Variants in CDH9 observed in about 807,000 individuals in gnomAD.
CDH9 encodes the protein cadherin 9.
A neutral mutation model predicts 70.9 loss-of-function variants in CDH9; 28 were observed. The ratio of observed to expected loss-of-function variants is 0.40; its 90% confidence interval spans 0.29 to 0.54. The LOEUF is 0.54. CDH9 is among the 20% of genes least tolerant of loss of function. The probability of loss-of-function intolerance (pLI) is 0.59; values close to 1 mark genes in which losing one functional copy is unlikely to be tolerated. For synonymous variants in CDH9, 409 were observed against 343.1 expected, an observed-to-expected ratio of 1.19 and a Z score of -2.12; for missense variants, 874 against 984.4, an observed-to-expected ratio of 0.89 and a Z score of 1.50.
intron 1 of CDH9, among the ~76,000 whole-genome samples, chr5:27,025,818 G>A (rs138681871): frequency 0.019 from 2,861 of 151,974 alleles, 38 homozygotes; most frequent in Middle Eastern, 0.051. Flanking sequence ...CTAAAGGAGC[G>A]TCAATCCATT....
intron 2 of CDH9, among the ~76,000 whole-genome samples, chr5:26,925,377 C>T (rs1230649885): frequency 3.3e-5 from 5 of 152,080 alleles, no homozygotes; most frequent in Non-Finnish European, 7.4e-5. Context: ...ATATCCTTTG[C>T]CCACTTTCTG....
chr5:26,936,353 A>G (rs530209115), intron 2 of CDH9, among the ~76,000 whole-genome samples: 1 of 152,110 alleles, frequency 6.6e-6, no homozygotes, highest in Non-Finnish European at 1.5e-5. Flanking sequence ...AAAGTAAAAT[A>G]CTTAGGTATA....
Position 26,903,655 on chromosome 5 carries a change from C to A in CDH9, c.981G>T (p.Gly327=). The change falls in exon 6 of 12, where the codon GGG becomes GGT. Residue 327 remains glycine, a synonymous_variant. Coordinates refer to ENST00000231021, the MANE Select transcript of CDH9 (RefSeq NM_016279.4). ...AAGAAACCTGTTTGACAGTTATAAT[C>A]CCTTCCTGTGTATCCTTGTCAGTGA... The part of the protein sequence containing the change: ...DVITDKDTQE[G]IITVKQNLDF... 1 of 1,605,530 alleles carries A rather than the reference C, an allele frequency of 6.2e-7. No homozygotes were observed. The highest frequency in any genetic ancestry group is 8.5e-7 in the Non-Finnish European group (1 of 1,172,356).
chr5:26,881,183 TG>T lies in CDH9; in HGVS notation c.2322del (p.Phe774LeufsTer21). On this transcript the variant is annotated frameshift_variant, in exon 12 of 12. Transcript: ENST00000231021. LOFTEE classifies it high-confidence loss of function. Reference protein sequence around the residue: ...YDYLSDWGPRFKKLADMYGGD... With the variant: ...YDYLSDWGPRXKKLADMYGGD... ...CCCCCATACATATCGGCAAGTTTTTTGAAACGAGGCCCCCAGTCACTGAGGT... is the reference window on the plus strand; with the variant it reads ...CCCCCATACATATCGGCAAGTTTTTTAAACGAGGCCCCCAGTCACTGAGGT... The T allele has an allele frequency of 6.2e-7, 1 of 1,613,106 alleles. No homozygotes were observed.
chr5:26,902,884 A>G lies in CDH9; in HGVS notation c.1000-155T>C, dbSNP rs1561189023. 8.7e-6 allele frequency: 5 copies of G among 571,900 alleles called. No homozygotes were observed. In the East Asian group the frequency reaches 1.1e-4, roughly 13 times the overall value. 35.4% of individuals were successfully genotyped at this position (571,900 alleles called of 1,614,324 possible). A position where few individuals can be genotyped will look rare whatever the true frequency, so the allele number is the denominator to read the frequency against. ...ATAGGTATATGAAATAAATTTATAA[A>G]TATATGTTTTGCCATACACTTATTC... On this transcript the variant is annotated intron_variant, in intron 6 of 11. Coordinates refer to ENST00000231021, the MANE Select transcript of CDH9 (RefSeq NM_016279.4).
chr5:26,926,080 A>G (rs1385765765), intron 2 of CDH9, among the ~76,000 whole-genome samples: 1 of 152,180 alleles, frequency 6.6e-6, no homozygotes, highest in Non-Finnish European at 1.5e-5. Context: ...TAGTGTTGGA[A>G]GTTCTAGTCA....
At chr5:27,000,611 T>TA (rs1396853611) in intron 1 of CDH9, among the ~76,000 whole-genome samples, 1 of 152,132 alleles carries the variant, frequency 6.6e-6, no homozygotes, top group Non-Finnish European at 1.5e-5. Context: ...GAATCACACT[T>TA]ACATATATAC....
At chr5:26,928,414 A>G (rs996253137) in intron 2 of CDH9, among the ~76,000 whole-genome samples, 1 of 152,056 alleles carries the variant, frequency 6.6e-6, no homozygotes, top group Admixed American at 6.6e-5. Context: ...AAATATCCAC[A>G]CTACTCAAAG....
At chr5:26,891,217 A>G (rs1438199731) in intron 7 of CDH9, among the ~76,000 whole-genome samples, 1 of 152,218 alleles carries the variant, frequency 6.6e-6, no homozygotes, top group Non-Finnish European at 1.5e-5. Flanking sequence ...TGGCAAAATA[A>G]TATCTCCTCT....
In CDH9 at chr5:26,992,455, C is replaced by G. The variant is rs980837218; in HGVS notation, c.-49-4073G>C. On this transcript the variant is annotated intron_variant, in intron 1 of 11. Coordinates refer to ENST00000231021, the MANE Select transcript of CDH9 (RefSeq NM_016279.4). Reference sequence around the variant, plus strand: ...CAATGGCCATCTATGAACCAGGAAACTGGTCCTCACCAGACACCAAATCTG... The same window carrying G: ...CAATGGCCATCTATGAACCAGGAAAGTGGTCCTCACCAGACACCAAATCTG... 3.9e-5 allele frequency among the ~76,000 whole-genome samples: 6 copies of G among 152,146 alleles called. No individual in the cohort carries two copies. The South Asian group carries it at 1.2e-3, about 32-fold the overall frequency.
rs572226374 is a variant in CDH9, at chr5:26,943,197, C to T, written c.229-27273G>A. 7.2e-4 allele frequency among the ~76,000 whole-genome samples: 110 copies of T among 152,236 alleles called. 2 individuals carry two copies. Among genetic ancestry groups the T allele is most frequent in the African/African-American group, 2.5e-3 (104 of 41,556 alleles). On this transcript the variant is annotated intron_variant, in intron 2 of 11. Coordinates refer to ENST00000231021, the MANE Select transcript of CDH9 (RefSeq NM_016279.4). ...TCCTCATAGACACCTCATACTCCAA[C>T]CACACATCACTGGGGAAAATAGCTA... is the stretch of plus-strand genomic sequence containing the variant.
rs1320936157 is a variant in CDH9, at chr5:26,988,224, A to C, written c.110T>G (p.Ile37Arg). The stretch of plus-strand genomic sequence containing the variant: ...ACCGTCATCTTTTGTCAGACCCGCT[A>C]TCTTTTTGCTTGATAAATAACTGTT... ...KPNSYLSSKK[I>R]AGLTKDDGKM... is the part of the protein sequence containing the mutation. Residue 37 changes from isoleucine (I) to arginine (R), a missense_variant, in exon 2 of 12, where the codon ATA becomes AGA. Physicochemically the swap from Ile to Arg is moderately conservative, Grantham distance 97. Transcript: ENST00000231021. 2 of 1,613,340 alleles carry C rather than the reference A, an allele frequency of 1.2e-6. No individual in the cohort carries two copies. Among genetic ancestry groups the C allele is most frequent in the Non-Finnish European group, 1.7e-6 (2 of 1,179,590 alleles).
intron 2 of CDH9, among the ~76,000 whole-genome samples, chr5:26,946,404 G>A (rs1741754067): frequency 6.6e-6 from 1 of 152,036 alleles, no homozygotes; most frequent in Non-Finnish European, 1.5e-5. Context: ...ATGCTATTGG[G>A]CAGGATTGTA....
At chr5:27,016,925 G>C (rs928260533) in intron 1 of CDH9, among the ~76,000 whole-genome samples, 2 of 151,744 alleles carry the variant, frequency 1.3e-5, no homozygotes, top group African/African-American at 4.8e-5. Context: ...TCTGAAATCC[G>C]GAGTGTTAAC....
In CDH9 at chr5:26,982,683, T is replaced by C. The variant is rs1366458; in HGVS notation, c.228+5423A>G. 2.8e-4 allele frequency among the ~76,000 whole-genome samples: 43 copies of C among 151,308 alleles called. 2 individuals carry two copies. The South Asian group carries it at 7.7e-3, about 27-fold the overall frequency. On this transcript the variant is annotated intron_variant, in intron 2 of 11. Coordinates refer to ENST00000231021, the MANE Select transcript of CDH9 (RefSeq NM_016279.4). ...TTGTGCTATGAATAAGTTTTTTTTG[T>C]TTTTTTGTTTTTTTGTTTTTTTTGA... is the stretch of plus-strand genomic sequence containing the variant.
chr5:26,953,377 C>T (rs1741887462), intron 2 of CDH9, among the ~76,000 whole-genome samples: 1 of 152,140 alleles, frequency 6.6e-6, no homozygotes, highest in Non-Finnish European at 1.5e-5. Context: ...TGCATTTTCT[C>T]CTAGACATTA....
At chr5:26,997,512 T>C (rs1742686754) in intron 1 of CDH9, among the ~76,000 whole-genome samples, 1 of 152,118 alleles carries the variant, frequency 6.6e-6, no homozygotes, top group South Asian at 2.1e-4. Flanking sequence ...TGGAGAGTGA[T>C]ATAATATTGT....
Position 26,889,432 on chromosome 5 carries a change from C to A in CDH9, c.1512+404G>T, listed in dbSNP as rs528094661. The stretch of plus-strand genomic sequence containing the variant: ...AAGTGGCAAAATGTAATCAAGAAAA[C>A]AATGATTATGATTACCTTTATAATA... On this transcript the variant is annotated intron_variant, in intron 9 of 11. Transcript: ENST00000231021. Among the ~76,000 whole-genome samples the A allele has an allele frequency of 2.6e-5, 4 of 151,972 alleles. No individual in the cohort carries two copies. The South Asian group carries it at 6.2e-4, about 24-fold the overall frequency.
chr5:27,015,857 C>T (rs1049391557), intron 1 of CDH9, among the ~76,000 whole-genome samples: 1 of 151,622 alleles, frequency 6.6e-6, no homozygotes, highest in Non-Finnish European at 1.5e-5. Context: ...AGAACATTTA[C>T]CATGTCATTA....
Sources: allele counts gnomAD v4.1 joint callset (sites outside exome capture counted in the v4.1 genomes callset), GRCh38; gene constraint gnomAD v4.1.1; transcripts MANE v1.5; gene names NCBI Gene and HGNC (gene_info 2026-07-23, HGNC 2026-07-21).